SPTBN1: variants seen among roughly 807,000 people sequenced by gnomAD.
SPTBN1 encodes the protein spectrin beta chain, non-erythrocytic 1.
Under a neutral mutation model 266.4 loss-of-function variants are expected in SPTBN1, and 32 were observed. The ratio of observed to expected loss-of-function variants is 0.12; its 90% CI spans 0.09 to 0.16. The LOEUF (loss-of-function observed/expected upper bound fraction) is 0.16, where lower values mean the gene tolerates loss of function less well. Ranked by LOEUF, SPTBN1 falls within the 10% of genes least tolerant of loss-of-function variation. The pLI, the probability that SPTBN1 is intolerant of heterozygous loss-of-function variation, is 1.00. For missense variants in SPTBN1, 2,296 were observed against 3,067.1 expected, an observed-to-expected ratio of 0.75 and a Z score of 5.94; for synonymous variants, 1,336 against 1,162.2, an observed-to-expected ratio of 1.15 and a Z score of -3.04.
chr2:54,487,931 G>A (rs1391247228), intron 1 of SPTBN1, among the ~76,000 whole-genome samples: 1 of 139,202 alleles, frequency 7.2e-6, no homozygotes, highest in African/African-American at 2.7e-5. Flanking sequence ...CCAGGTTCAC[G>A]CCATTCTCCT....
chr2:54,640,799 G>A (rs547495889), intron 18 of SPTBN1, among the ~76,000 whole-genome samples: 11 of 152,344 alleles, frequency 7.2e-5, no homozygotes, highest in African/African-American at 2.2e-4. Context: ...TGACCCACCC[G>A]CCTTGGCCTC....
chr2:54,629,488 A>C lies in SPTBN1; in HGVS notation c.2354A>C (p.Lys785Thr), dbSNP rs1678583760. 6.2e-7 allele frequency: 1 copy of C among 1,614,012 alleles called. No homozygotes were observed. The highest frequency in any genetic ancestry group is 1.3e-5 in the African/African-American group (1 of 74,936). ...TATTCCACACAGTCTCTGGTCAAGAAACACAAGGACGTGGCGGAAGAGATC... is the reference window on the plus strand; with the variant it reads ...TATTCCACACAGTCTCTGGTCAAGACACACAAGGACGTGGCGGAAGAGATC... ...DEYSTQSLVKKHKDVAEEIAN... is the reference protein window; with the variant it reads ...DEYSTQSLVKTHKDVAEEIAN... Residue 785 changes from lysine (K) to threonine (T), a missense_variant, in exon 14 of 36, where the codon AAA becomes ACA. By Grantham distance (78) the Lys-to-Thr change is moderately conservative. This residue lies in a region of SPTBN1 where 434 missense variants were observed against 573.9 expected (regional missense o/e 0.76). Coordinates refer to ENST00000356805, the MANE Select transcript of SPTBN1 (RefSeq NM_003128.3).
At chr2:54,504,339 G>A (rs921268896) in intron 1 of SPTBN1, among the ~76,000 whole-genome samples, 4 of 151,894 alleles carry the variant, frequency 2.6e-5, no homozygotes, top group South Asian at 2.1e-4. Context: ...CTCCTTTTTC[G>A]GAGAATAAAA....
intron 1 of SPTBN1, among the ~76,000 whole-genome samples, chr2:54,483,781 C>G (rs1668212679): frequency 6.6e-6 from 1 of 152,200 alleles, no homozygotes; most frequent in Admixed American, 6.5e-5. Context: ...AGAGTTTCTC[C>G]TGTTTTGTCA....
chr2:54,496,584 A>G (rs1668984553), intron 1 of SPTBN1, among the ~76,000 whole-genome samples: 1 of 151,998 alleles, frequency 6.6e-6, no homozygotes, highest in African/African-American at 2.4e-5. Flanking sequence ...AAGTTCAGTT[A>G]TTTTTCTGTT....
intron 27 of SPTBN1, among the ~76,000 whole-genome samples, chr2:54,654,196 C>T (rs1680497765): frequency 1.3e-5 from 2 of 152,220 alleles, no homozygotes. Flanking sequence ...ACATGACTAA[C>T]TGCCCCGTCT....
intron 2 of SPTBN1, among the ~76,000 whole-genome samples, chr2:54,560,377 A>G (rs2104468149): frequency 6.6e-6 from 1 of 152,154 alleles, no homozygotes; most frequent in Non-Finnish European, 1.5e-5. Context: ...TCTCAGAAAA[A>G]AAGCAAAACT....
chr2:54,670,360 G>T lies in SPTBN1; in HGVS notation c.*1791G>T. On this transcript the variant is annotated 3_prime_UTR_variant, in exon 36 of 36. Coordinates refer to ENST00000356805, the MANE Select transcript of SPTBN1 (RefSeq NM_003128.3). ...CATGCCACTTGCATAAAGCAGCAAT[G>T]GATATTAGTATTATGGATGTCCAGT... 1 of 214,768 alleles carries T rather than the reference G, an allele frequency of 4.7e-6. No homozygotes were observed. The highest frequency in any genetic ancestry group is 9.1e-6 in the Non-Finnish European group (1 of 109,314). 13.3% of individuals were successfully genotyped at this position (214,768 alleles called of 1,614,324 possible).
intron 1 of SPTBN1, among the ~76,000 whole-genome samples, chr2:54,472,694 G>T (rs1372367921): frequency 2.0e-5 from 3 of 152,088 alleles, no homozygotes; most frequent in Non-Finnish European, 4.4e-5. Context: ...CAGGGGGTGT[G>T]GGTACCTGGG....
rs145150707 is a variant in SPTBN1, at chr2:54,659,969, C to T, written c.6390C>T (p.Asn2130=). The T allele has an allele frequency of 1.5e-4, 241 of 1,614,142 alleles. No individual in the cohort carries two copies. The East Asian group carries it at 4.7e-3, about 31-fold the overall frequency. ...DTSKGEQVSQ[N]GLPAEQGSPR... is the part of the protein sequence containing the mutation. ...CAAAAGGAGAACAAGTTTCCCAAAACGGTTTGCCAGCTGAACAGGGATCTC... is the reference window on the plus strand; with the variant it reads ...CAAAAGGAGAACAAGTTTCCCAAAATGGTTTGCCAGCTGAACAGGGATCTC... Residue 2130 remains asparagine (N), a synonymous_variant, in exon 32 of 36, where the codon AAC becomes AAT. Coordinates refer to ENST00000356805, the MANE Select transcript of SPTBN1 (RefSeq NM_003128.3).
In SPTBN1 at chr2:54,599,255, C is replaced by CTT; in HGVS notation, c.300+12_300+13insTT. ...CTGGAGAGAGGCTGGTGAGTGGAGA[C>CTT]CTTAGGAAGTGCCGTGTGTTGTAGG... On this transcript the variant is annotated intron_variant, in intron 3 of 35. Transcript: ENST00000356805. 6.2e-7 allele frequency: 1 copy of CTT among 1,612,932 alleles called. No individual in the cohort carries two copies. Among genetic ancestry groups the CTT allele is most frequent in the Non-Finnish European group, 8.5e-7 (1 of 1,179,666 alleles).
chr2:54,579,447 ACT>A (rs34015914), intron 2 of SPTBN1, among the ~76,000 whole-genome samples: 51,424 of 151,784 alleles, frequency 0.34, 11,175 homozygotes, highest in African/African-American at 0.63. Flanking sequence ...CATCTTTCAC[ACT>A]CACCCATAGG....
intron 1 of SPTBN1, among the ~76,000 whole-genome samples, chr2:54,474,836 CAT>C (rs997070572): frequency 1.3e-5 from 2 of 152,042 alleles, no homozygotes; most frequent in African/African-American, 2.4e-5. Flanking sequence ...CTACAGTAAG[CAT>C]ATGTTACTTC....
At chr2:54,606,896 C>A (rs1038933762) in intron 3 of SPTBN1, among the ~76,000 whole-genome samples, 1 of 152,220 alleles carries the variant, frequency 6.6e-6, no homozygotes, top group Non-Finnish European at 1.5e-5. Context: ...CTTGCAGAAT[C>A]AGAGTTACAG....
chr2:54,653,526 T>G lies in SPTBN1; in HGVS notation c.5578-83T>G. The G allele has an allele frequency of 6.5e-7, 1 of 1,547,356 alleles. No homozygotes were observed. The highest frequency in any genetic ancestry group is 1.2e-5 in the South Asian group (1 of 82,466). On this transcript the variant is annotated intron_variant, in intron 26 of 35. Coordinates refer to ENST00000356805, the MANE Select transcript of SPTBN1 (RefSeq NM_003128.3). The surrounding 1 kb of genome is among the most constrained non-coding windows in gnomAD (Gnocchi z 5.1). ...TTGACTCTGTGCTCCCTTTAGTGTA[T>G]GAGCAGAACAGAATAGGGCTTGGGG...
intron 6 of SPTBN1, 90 bp from the exon 7 acceptor site, chr2:54,617,988 T>G: frequency 3.7e-6 from 4 of 1,078,462 alleles, no homozygotes; most frequent in Non-Finnish European, 4.1e-6. Flanking sequence ...ATTGGTGATT[T>G]TAACCTTTTT....
intron 32 of SPTBN1, chr2:54,661,222 A>T (rs780535695): frequency 5.1e-6 from 5 of 985,708 alleles, no homozygotes; most frequent in Admixed American, 6.1e-5. Flanking sequence ...AAATGTTTTC[A>T]CAAAAATCCT....
intron 18 of SPTBN1, among the ~76,000 whole-genome samples, chr2:54,638,527 T>C (rs1242309347): frequency 6.6e-6 from 1 of 152,248 alleles, no homozygotes; most frequent in Non-Finnish European, 1.5e-5. Flanking sequence ...TGATGATCAT[T>C]GTACTATTTC....
chr2:54,632,348 G>GA (rs1260225565), intron 16 of SPTBN1, among the ~76,000 whole-genome samples: 3 of 151,194 alleles, frequency 2.0e-5, no homozygotes, highest in Non-Finnish European at 3.0e-5. Flanking sequence ...ACTCTCTTTG[G>GA]AAAAAAAAAT....
Sources: gnomAD v4.1 joint callset for allele counts (sites outside exome capture counted in the v4.1 genomes callset) on GRCh38, gnomAD v4.1.1 for gene constraint, gnomAD v4.1.1 regional missense constraint, Gnocchi (gnomAD v3.1) non-coding constraint, MANE v1.5 for transcripts, NCBI Gene and HGNC (gene_info 2026-07-23, HGNC 2026-07-21) for gene names.